GLRX3: variants seen among roughly 807,000 people sequenced by gnomAD.
The protein encoded by GLRX3 is glutaredoxin 3.
GLRX3 carries 22 observed loss-of-function variants against 49.5 expected under a neutral mutation model. That is an observed-to-expected ratio of 0.44 (90% CI 0.32 to 0.63). The LOEUF is 0.63. Among genes scored for constraint, GLRX3 ranks in the 30% least tolerant of loss-of-function variants. The probability of loss-of-function intolerance (pLI) is 0.05; values close to 1 mark genes in which losing one functional copy is unlikely to be tolerated. For missense variants in GLRX3, 385 were observed against 396.3 expected (o/e 0.97, Z 0.24); for synonymous variants, 133 against 140.0 (o/e 0.95, Z 0.35).
chr10:130,173,698 G>A (rs4751170), intron 8 of GLRX3, among the ~76,000 whole-genome samples: 2 of 152,006 alleles, frequency 1.3e-5, no homozygotes, highest in Non-Finnish European at 2.9e-5. Flanking sequence ...TAAGAGATCT[G>A]CCACCTTTAG....
intron 2 of GLRX3, among the ~76,000 whole-genome samples, chr10:130,147,587 T>A (rs141569668): frequency 5.3e-5 from 8 of 152,330 alleles, no homozygotes; most frequent in Middle Eastern, 3.4e-3. Flanking sequence ...GTCATCACTT[T>A]CCAGAAATTC....
At chr10:130,148,892 A>T (rs1314537947) in intron 2 of GLRX3, among the ~76,000 whole-genome samples, 2 of 151,866 alleles carry the variant, frequency 1.3e-5, no homozygotes, top group Non-Finnish European at 2.9e-5. Context: ...GGGAGACTTC[A>T]TCTCTACAGA....
rs753507008 is a variant in GLRX3, at chr10:130,160,892, G to A, written c.373G>A (p.Ala125Thr). Residue 125 changes from alanine to threonine, a missense_variant, in exon 4 of 11, where the codon GCT (alanine) becomes ACT (threonine). Physicochemically the swap from Ala to Thr is moderately conservative, Grantham distance 58. Coordinates refer to ENST00000331244, the MANE Select transcript of GLRX3 (RefSeq NM_006541.5). ...HASSGSFLPS[A>T]NEHLKEDLNL... ...ATCTAGTGGCTCCTTCCTACCCAGC[G>A]CTAATGAACATCTTAAAGAAGATCT... 9 of 1,611,786 alleles carry A rather than the reference G, an allele frequency of 5.6e-6. No homozygotes were observed. The African/African-American group carries it at 6.7e-5, about 12-fold the overall frequency.
intron 10 of GLRX3, among the ~76,000 whole-genome samples, chr10:130,178,444 TG>T (rs1012663716): frequency 1.3e-4 from 20 of 151,310 alleles, no homozygotes; most frequent in African/African-American, 4.4e-4. Flanking sequence ...TTAATAGAGA[TG>T]GGTTTTGTCA....
At chr10:130,164,560 G>T (rs1862644966) in intron 4 of GLRX3, among the ~76,000 whole-genome samples, 1 of 152,108 alleles carries the variant, frequency 6.6e-6, no homozygotes, top group South Asian at 2.1e-4. Flanking sequence ...GAAATGACTG[G>T]GGGTGGAAAT....
chr10:130,160,260 A>G (rs1214865191), intron 3 of GLRX3, among the ~76,000 whole-genome samples, 191 bp downstream of exon 3: 1 of 152,238 alleles, frequency 6.6e-6, no homozygotes, highest in Non-Finnish European at 1.5e-5. Flanking sequence ...GCTTGCCAGC[A>G]TCTTAGAAAA....
chr10:130,140,503 A>G (rs551031519), intron 1 of GLRX3, among the ~76,000 whole-genome samples: 1 of 152,240 alleles, frequency 6.6e-6, no homozygotes, highest in Non-Finnish European at 1.5e-5. Flanking sequence ...ATTTCAACTA[A>G]CAATATCATG....
In GLRX3 at chr10:130,166,559, C is replaced by T. The variant is rs140178704; in HGVS notation, c.531C>T (p.Ser177=). 2 of 1,612,166 alleles carry T rather than the reference C, an allele frequency of 1.2e-6. No homozygotes were observed. Among genetic ancestry groups the T allele is most frequent in the Non-Finnish European group, 1.7e-6 (2 of 1,178,268 alleles). ...TTCACAAACATAATATTCAGTTTAG[C>T]AGTTTTGATATCTTCTCAGATGAAG... is the stretch of plus-strand genomic sequence containing the variant. The part of the protein sequence containing the change: ...EILHKHNIQF[S]SFDIFSDEEV... Residue 177 remains serine, a synonymous_variant, in exon 5 of 11, where the codon AGC becomes AGT. Transcript: ENST00000331244.
At chr10:130,140,026 T>C (rs1346611665) in intron 1 of GLRX3, among the ~76,000 whole-genome samples, 1 of 152,256 alleles carries the variant, frequency 6.6e-6, no homozygotes, top group Non-Finnish European at 1.5e-5. Context: ...AAATTTGACA[T>C]GAATTGAAAT....
Position 130,136,431 on chromosome 10 carries a change from G to A in GLRX3, c.11G>A (p.Gly4Glu), listed in dbSNP as rs1054453810. 2.4e-6 allele frequency: 3 copies of A among 1,255,618 alleles called. No homozygotes were observed. The highest frequency in any genetic ancestry group is 3.0e-6 in the Non-Finnish European group (3 of 993,958). The allele number at this position is 1,255,618 out of a possible 1,614,324, so 77.8% of individuals were successfully genotyped here. Reference sequence around the variant, plus strand: ...TCTGGCGGCGGCAGCATGGCGGCGGGGGCGGCTGAGGCAGCTGTAGCGGCC... The same window carrying A: ...TCTGGCGGCGGCAGCATGGCGGCGGAGGCGGCTGAGGCAGCTGTAGCGGCC... MAAGAAEAAVAAVE... is the reference protein window; with the variant it reads MAAEAAEAAVAAVE... The change falls in exon 1 of 11, where the codon GGG becomes GAG. Residue 4 changes from glycine (G) to glutamate (E), a missense_variant. By Grantham distance (98) the Gly-to-Glu change is moderately conservative. This residue lies in a region of GLRX3 where 374 missense variants were observed against 358.6 expected (regional missense o/e 1.04). Transcript: ENST00000331244.
rs369544548 is a variant in GLRX3, at chr10:130,143,611, C to T, written c.93-1600C>T. The stretch of plus-strand genomic sequence containing the variant: ...TGGTATGATCATGGCTCACTACAGC[C>T]TCGACCCCCTGGGCTCAAGTAATCC... On this transcript the variant is annotated intron_variant, in intron 1 of 10. Transcript: ENST00000331244. Among the ~76,000 whole-genome samples, 13 of 152,146 alleles carry T rather than the reference C, an allele frequency of 8.5e-5. No individual in the cohort carries two copies. In the South Asian group the frequency reaches 2.7e-3, roughly 32 times the overall value.
At chr10:130,166,424 ATGTACGC>A (rs1862690265) in intron 4 of GLRX3, 76 bp from the exon 5 acceptor site, 1 of 918,142 alleles carries the variant, frequency 1.1e-6, no homozygotes, top group Non-Finnish European at 1.7e-6. Flanking sequence ...TTTAGATGAT[ATGTACGC>A]TGAACTAATG....
At chr10:130,166,424 A>G (rs533349647) in intron 4 of GLRX3, 83 bp from the exon 5 acceptor site, 2 of 918,260 alleles carry the variant, frequency 2.2e-6, no homozygotes, top group African/African-American at 3.3e-5. Context: ...TTTAGATGAT[A>G]TGTACGCTGA....
chr10:130,159,729 A>G, intron 2 of GLRX3: 2 of 1,134,480 alleles, frequency 1.8e-6, no homozygotes, highest in Non-Finnish European at 2.2e-6. Flanking sequence ...CTAGTGCACC[A>G]AAAATTTTAT....
At chr10:130,143,974 C>T (rs1421791214) in intron 1 of GLRX3, among the ~76,000 whole-genome samples, 1 of 152,142 alleles carries the variant, frequency 6.6e-6, no homozygotes, top group Non-Finnish European at 1.5e-5. Flanking sequence ...GCTGGGATTA[C>T]AGGTGTGAGC....
intron 4 of GLRX3, among the ~76,000 whole-genome samples, chr10:130,163,214 C>G (rs1427403845): frequency 6.6e-6 from 1 of 152,068 alleles, no homozygotes; most frequent in Non-Finnish European, 1.5e-5. Context: ...CGCTTGAGAT[C>G]AGGAGTTCGA....
rs999403150 is a variant in GLRX3 at position 130,174,962 on chromosome 10, A to T, written c.865-35A>T. On this transcript the variant is annotated intron_variant, in intron 9 of 10. Coordinates refer to ENST00000331244, the MANE Select transcript of GLRX3 (RefSeq NM_006541.5). ...TCTTAGCTTTAATCTTAAGGGCCTG[A>T]TAGGATGGTTTCAGGATTCCTGTTG... is the stretch of plus-strand genomic sequence containing the variant. 1.9e-6 allele frequency: 3 copies of T among 1,570,352 alleles called. No individual in the cohort carries two copies. In the African/African-American group the frequency reaches 4.1e-5, roughly 21 times the overall value.
chr10:130,173,306 G>A (rs949085802), intron 8 of GLRX3, among the ~76,000 whole-genome samples: 6 of 152,064 alleles, frequency 3.9e-5, no homozygotes, highest in African/African-American at 1.4e-4. Flanking sequence ...CCCTGTTGTC[G>A]CAGAGAGCAG....
At chr10:130,177,333 T>TA (rs945479266) in intron 10 of GLRX3, among the ~76,000 whole-genome samples, 1 of 152,212 alleles carries the variant, frequency 6.6e-6, no homozygotes, top group African/African-American at 2.4e-5. Context: ...TGTTTGGACT[T>TA]AAGACAGTTT....
Sources: allele counts gnomAD v4.1 joint callset (sites outside exome capture counted in the v4.1 genomes callset), GRCh38; gene constraint gnomAD v4.1.1; regional missense constraint gnomAD v4.1.1; transcripts MANE v1.5; gene names NCBI Gene and HGNC (gene_info 2026-07-23, HGNC 2026-07-21).